Variants in BSG observed in about 807,000 individuals in gnomAD.
BSG encodes basigin (Ok blood group).
BSG carries 37 observed loss-of-function variants against 43.1 expected under a neutral mutation model. That is an observed-to-expected ratio of 0.86 (90% confidence interval 0.66 to 1.13). The LOEUF is 1.13. Among genes scored for constraint, BSG ranks in the 50% most tolerant of loss-of-function variants. The pLI is 0.00. For synonymous variants in BSG, 309 were observed against 238.7 expected, an observed-to-expected ratio of 1.29 and a Z score of -2.72; for missense variants, 599 against 554.2, an observed-to-expected ratio of 1.08 and a Z score of -0.81.
intron 1 of BSG, among the ~76,000 whole-genome samples, chr19:576,892 C>T (rs761301824): frequency 1.2e-4 from 18 of 152,210 alleles, no homozygotes; most frequent in Admixed American, 2.6e-4. Context: ...TGCACTGCCA[C>T]GCAGCCTCGG....
rs752684923 is a variant in BSG, at chr19:582,524, G to C, written c.1105G>C (p.Gly369Arg). The change falls in exon 8 of 9, where the codon GGG becomes CGG. Residue 369 changes from glycine to arginine, a missense_variant. Coordinates refer to ENST00000333511, the MANE Select transcript of BSG (RefSeq NM_001728.4). ...DAGSAPLKSS[G>R]QHQNDKGKNV... ...CCCCTCGTGCCCCAGGAAGAGCAGC[G>C]GGCAGCACCAGAATGACAAAGGCAA... is the stretch of plus-strand genomic sequence containing the variant. 7 of 1,604,400 alleles carry C rather than the reference G, an allele frequency of 4.4e-6. No homozygotes were observed. Among genetic ancestry groups the C allele is most frequent in the South Asian group, 1.1e-5 (1 of 90,270 alleles).
upstream of BSG, chr19:572,344 T>TGCGCAGGCTCCAGCCGCGTCC: frequency 9.6e-7 from 1 of 1,036,546 alleles, no homozygotes; most frequent in African/African-American, 1.7e-5. Flanking sequence ...AAGGAAGAAA[T>TGCGCAGGCTCCAGCCGCGTCC]GCGCAGGCTC....
intron 3 of BSG, among the ~76,000 whole-genome samples, chr19:580,144 G>A (rs1320722748): frequency 8.3e-6 from 1 of 120,016 alleles, no homozygotes; most frequent in Admixed American, 8.3e-5. Context: ...CCAGAGGTGT[G>A]GGGTTCATCA....
intron 2 of BSG, 47 bp downstream of exon 2, chr19:578,168 G>A (rs1379465784): frequency 6.8e-7 from 1 of 1,463,706 alleles, no homozygotes; most frequent in Admixed American, 2.3e-5. Context: ...TTTCCCTCCT[G>A]TGCCGCTCGC....
Position 572,644 on chromosome 19 carries a change from G to T in BSG, c.10G>T (p.Ala4Ser), listed in dbSNP as rs748209969. Residue 4 changes from alanine to serine, a missense_variant, in exon 1 of 9, where the codon GCG becomes TCG. Ala to Ser is a moderately conservative substitution (Grantham distance 99, BLOSUM62 1). Transcript: ENST00000333511. ...GCGAGGAATAGGAATCATGGCGGCT[G>T]CGCTGTTCGTGCTGCTGGGATTCGC... is the stretch of plus-strand genomic sequence containing the variant. Reference protein sequence around the residue: MAAALFVLLGFALL... With the variant: MAASLFVLLGFALL... 76 of 1,505,482 alleles carry T rather than the reference G, an allele frequency of 5.0e-5. No homozygotes were observed. The Middle Eastern group carries it at 5.1e-4, about 10-fold the overall frequency. 93.3% of individuals were successfully genotyped at this position (1,505,482 alleles called of 1,614,324 possible).
At chr19:582,432 C>G in intron 7 of BSG, 82 bp from the exon 8 acceptor site, 2 of 1,602,442 alleles carry the variant, frequency 1.2e-6, no homozygotes, top group Non-Finnish European at 1.7e-6. Flanking sequence ...ATTCGGGGGT[C>G]CTGGGGGCCG....
At chr19:571,479 G>C, upstream of BSG, 1 of 776,666 alleles carries the variant, frequency 1.3e-6, no homozygotes, top group Non-Finnish European at 2.4e-6. Flanking sequence ...TCCTACCCGC[G>C]TTGCTGAGAG....
intron 1 of BSG, among the ~76,000 whole-genome samples, chr19:576,371 C>T (rs1275915711): frequency 2.0e-4 from 31 of 152,220 alleles, no homozygotes; most frequent in Admixed American, 2.0e-3. Context: ...TGCCCTGACT[C>T]ACCTCGCCCA....
chr19:582,493 A>T (rs998366462), intron 7 of BSG, 21 bp from the exon 8 acceptor site: 1 of 1,606,076 alleles, frequency 6.2e-7, no homozygotes, highest in African/African-American at 1.3e-5. Flanking sequence ...ACACCCTCTC[A>T]CCCGGCCCCT....
chr19:572,015 T>G (rs1981280795), upstream of BSG: 1 of 160,368 alleles, frequency 6.2e-6, no homozygotes, highest in African/African-American at 2.4e-5. Context: ...AGATCCAGAT[T>G]CAAGTGCCCT....
chr19:581,326 C>T lies in BSG; in HGVS notation c.804C>T (p.Asn268=), dbSNP rs377004513. The change falls in exon 6 of 9, where the codon AAC becomes AAT. Residue 268 remains asparagine (N), a synonymous_variant. Coordinates refer to ENST00000333511, the MANE Select transcript of BSG (RefSeq NM_001728.4). ...CTTTGGTCCCCTAGGCCCTCATGAACGGCTCCGAGAGCAGGTTCTTCGTGA... is the reference window on the plus strand; with the variant it reads ...CTTTGGTCCCCTAGGCCCTCATGAATGGCTCCGAGAGCAGGTTCTTCGTGA... ...ITDSEDKALM[N]GSESRFFVSS... 87 of 1,611,992 alleles carry T rather than the reference C, an allele frequency of 5.4e-5. No individual in the cohort carries two copies. Among genetic ancestry groups the T allele is most frequent in the Non-Finnish European group, 6.4e-5 (75 of 1,179,500 alleles).
chr19:578,827 T>G, intron 2 of BSG: 3 of 346,056 alleles, frequency 8.7e-6, no homozygotes, highest in Non-Finnish European at 1.1e-5. Context: ...GCCTCCCGGG[T>G]TCAAGCGATT....
At chr19:574,265 A>AAT (rs951001315) in intron 1 of BSG, among the ~76,000 whole-genome samples, 2 of 150,062 alleles carry the variant, frequency 1.3e-5, no homozygotes, top group African/African-American at 4.9e-5. Flanking sequence ...AAAAAAAAAA[A>AAT]AAAAGAGGTC....
Position 580,681 on chromosome 19 carries a change from C to A in BSG, c.691C>A (p.His231Asn). ...AGTGAAGGCTGTGAAGTCGTCAGAA[C>A]ACATCAACGAGGGGGAGACGGCCAT... is the stretch of plus-strand genomic sequence containing the variant. ...PRVKAVKSSE[H>N]INEGETAMLV... is the part of the protein sequence containing the mutation. Residue 231 changes from histidine to asparagine, a missense_variant, in exon 5 of 9, where the codon CAC becomes AAC. Transcript: ENST00000333511. The A allele has an allele frequency of 6.2e-7, 1 of 1,612,858 alleles. No homozygotes were observed. The highest frequency in any genetic ancestry group is 8.5e-7 in the Non-Finnish European group (1 of 1,179,984).
Position 580,790 on chromosome 19 carries a change from GCCAAGGAGGCTGGGGGTCCTGGA to G in BSG, c.792+11_792+33del. ...ACTGACTCTGAGGACAAGGTGAGAA[GCCAAGGAGGCTGGGGGTCCTGGA>G]CCCAGCCCTCAGGACTGGGTGAGAG... is the stretch of plus-strand genomic sequence containing the variant. On this transcript the variant is annotated intron_variant, in intron 5 of 8. Coordinates refer to ENST00000333511, the MANE Select transcript of BSG (RefSeq NM_001728.4). The G allele has an allele frequency of 6.2e-7, 1 of 1,612,756 alleles. No individual in the cohort carries two copies. Among genetic ancestry groups the G allele is most frequent in the East Asian group, 2.2e-5 (1 of 44,860 alleles).
At chr19:572,773 A>G in intron 1 of BSG, 72 bp downstream of exon 1, 1 of 1,314,520 alleles carries the variant, frequency 7.6e-7, no homozygotes, top group Non-Finnish European at 9.8e-7. Context: ...GCCGACCCGA[A>G]GCCGACGGGA....
At chr19:576,088 C>T (rs1260515815) in intron 1 of BSG, among the ~76,000 whole-genome samples, 1 of 152,258 alleles carries the variant, frequency 6.6e-6, no homozygotes, top group East Asian at 1.9e-4. Flanking sequence ...AGCGGGAGCA[C>T]CGGGACCGGT....
intron 1 of BSG, among the ~76,000 whole-genome samples, chr19:576,060 T>C (rs1304088180): frequency 6.6e-6 from 1 of 152,238 alleles, no homozygotes; most frequent in Non-Finnish European, 1.5e-5. Flanking sequence ...TGCTGCCCGC[T>C]GAGAAGCTGG....
chr19:572,335 A>G (rs1404803092), upstream of BSG: 2 of 1,002,706 alleles, frequency 2.0e-6, no homozygotes, highest in East Asian at 8.0e-5. Context: ...GAAAGCAGGA[A>G]GGAAGAAATG....
Sources: gnomAD v4.1 joint callset for allele counts (sites outside exome capture counted in the v4.1 genomes callset) on GRCh38, gnomAD v4.1.1 for gene constraint, MANE v1.5 for transcripts, NCBI Gene and HGNC (gene_info 2026-07-23, HGNC 2026-07-21) for gene names.